Variants in LDAF1 observed in about 807,000 individuals in gnomAD.
The protein encoded by LDAF1 is PROMETHIN.
Under a neutral mutation model 13.5 loss-of-function variants are expected in LDAF1, and 7 were observed. The ratio of observed to expected loss-of-function variants is 0.52; its 90% CI spans 0.29 to 0.97. The LOEUF is 0.97. Ranked by LOEUF, LDAF1 falls within the 50% of genes least tolerant of loss-of-function variation. The pLI is 0.07. For synonymous variants in LDAF1, 69 were observed against 77.1 expected (o/e 0.89, Z 0.55); for missense variants, 148 against 193.2 (o/e 0.77, Z 1.39).
At chr16:21,167,696 G>GTTTTTTTGTTTTTTTTTTTTTTTT (rs1555584382) in intron 2 of LDAF1, among the ~76,000 whole-genome samples, 1 of 89,092 alleles carries the variant, frequency 1.1e-5, no homozygotes, top group African/African-American at 4.4e-5. Context: ...CCTTAGGTTT[G>GTTTTTTTGTTTTTTTTTTTTTTTT]TTTTTTTTTT....
Position 21,159,520 on chromosome 16 carries a change from G to A in LDAF1, c.-99+774G>A. 7 of 1,302,510 alleles carry A rather than the reference G, an allele frequency of 5.4e-6. No homozygotes were observed. In the South Asian group the frequency reaches 8.6e-5, roughly 16 times the overall value. 80.7% of individuals were successfully genotyped at this position (1,302,510 alleles called of 1,614,324 possible). Reference sequence around the variant, plus strand: ...TTTTCCCCTGGAGGTTCGGGGGTGGGAGGGCCAGGAGATTTATTTGGAGCC... The same window carrying A: ...TTTTCCCCTGGAGGTTCGGGGGTGGAAGGGCCAGGAGATTTATTTGGAGCC... On this transcript the variant is annotated intron_variant, in intron 1 of 4. Coordinates refer to ENST00000233047, the MANE Select transcript of LDAF1 (RefSeq NM_001301771.2).
chr16:21,171,926 T>TA (rs1343544839), intron 3 of LDAF1, among the ~76,000 whole-genome samples: 1 of 151,744 alleles, frequency 6.6e-6, no homozygotes, highest in East Asian at 2.0e-4. Flanking sequence ...TTGGTAGAGA[T>TA]AGGGTTTCGC....
chr16:21,177,845 T>C (rs1172874755), intron 4 of LDAF1, among the ~76,000 whole-genome samples: 4 of 152,084 alleles, frequency 2.6e-5, no homozygotes, highest in African/African-American at 9.7e-5. Flanking sequence ...CTTGAACTCC[T>C]GAGCTCAAGT....
intron 2 of LDAF1, among the ~76,000 whole-genome samples, chr16:21,166,023 CTAAT>C (rs1370076684): frequency 6.6e-6 from 1 of 151,900 alleles, no homozygotes; most frequent in Non-Finnish European, 1.5e-5. Context: ...CTCTGCCTGA[CTAAT>C]TTTTTTGTAT....
At chr16:21,165,034 C>T (rs547100991) in intron 2 of LDAF1, among the ~76,000 whole-genome samples, 36 of 152,320 alleles carry the variant, frequency 2.4e-4, no homozygotes, top group South Asian at 1.7e-3. Context: ...GTGTCCTCCC[C>T]TCCTGGGACA....
At chr16:21,174,175 A>AT (rs368981333) in intron 4 of LDAF1, 27 bp downstream of exon 4, 39 of 1,574,104 alleles carry the variant, frequency 2.5e-5, no homozygotes, top group African/African-American at 2.2e-4. Flanking sequence ...GAAATAATTT[A>AT]TTTTTTTAAT....
At chr16:21,158,923 G>T (rs112728750) in intron 1 of LDAF1, among the ~76,000 whole-genome samples, 177 bp downstream of exon 1, 17 of 151,960 alleles carry the variant, frequency 1.1e-4, no homozygotes, top group Non-Finnish European at 2.9e-5. Flanking sequence ...CTTATGAGTC[G>T]CCGGGACGGG....
chr16:21,166,608 C>T (rs1053523212), intron 2 of LDAF1, among the ~76,000 whole-genome samples: 19 of 152,354 alleles, frequency 1.2e-4, no homozygotes, highest in Admixed American at 8.5e-4. Flanking sequence ...GCCCTTCCCT[C>T]GCTGGCGCAG....
intron 2 of LDAF1, chr16:21,166,967 T>C: frequency 6.7e-7 from 1 of 1,498,058 alleles, no homozygotes; most frequent in South Asian, 1.2e-5. Flanking sequence ...AGCTCTTTGG[T>C]GGCTTTTGTC....
Position 21,165,743 on chromosome 16 carries a change from T to C in LDAF1, c.96+4465T>C, listed in dbSNP as rs79665889. ...AGCAGTTTGTTCCCTGTTTTTTTTTTCCCAGATGAAATTTAAATGAGTGCT... is the reference window on the plus strand; with the variant it reads ...AGCAGTTTGTTCCCTGTTTTTTTTTCCCCAGATGAAATTTAAATGAGTGCT... On this transcript the variant is annotated intron_variant, in intron 2 of 4. Transcript: ENST00000233047. The C allele has an allele frequency of 3.9e-3, 1,724 of 443,794 alleles. 21 individuals carry two copies. Among genetic ancestry groups the C allele is most frequent in the African/African-American group, 0.033 (1,522 of 46,510 alleles). The allele number at this position is 443,794 out of a possible 1,614,324, so 27.5% of individuals were successfully genotyped here. A position where few individuals can be genotyped will look rare whatever the true frequency, so the allele number is the denominator to read the frequency against.
At chr16:21,159,345 C>T (rs1300932530) in intron 1 of LDAF1, 2 of 1,614,194 alleles carry the variant, frequency 1.2e-6, no homozygotes, top group Non-Finnish European at 1.7e-6. Flanking sequence ...CTCCCTTCCT[C>T]CTCTCCTTGG....
chr16:21,159,711 T>C (rs540825240), intron 1 of LDAF1, among the ~76,000 whole-genome samples: 4 of 152,208 alleles, frequency 2.6e-5, no homozygotes, highest in African/African-American at 9.6e-5. Flanking sequence ...GGTCTGGGAA[T>C]TGGTGGCCAG....
Position 21,174,018 on chromosome 16 carries a change from A to G in LDAF1, c.274A>G (p.Ile92Val), listed in dbSNP as rs148041781. Residue 92 changes from isoleucine (I) to valine (V), a missense_variant, in exon 4 of 5, where the codon ATC becomes GTC. Physicochemically the swap from Ile to Val is conservative, Grantham distance 29. Coordinates refer to ENST00000233047, the MANE Select transcript of LDAF1 (RefSeq NM_001301771.2). ...CCACGTTCTCCTCCTAGGATTGGTCATCTCTGTGGGTGGCTTCTCACTGCT... is the reference window on the plus strand; with the variant it reads ...CCACGTTCTCCTCCTAGGATTGGTCGTCTCTGTGGGTGGCTTCTCACTGCT... ...LGVIILEGLV[I>V]SVGGFSLLCI... 266 of 1,612,274 alleles carry G rather than the reference A, an allele frequency of 1.6e-4. No homozygotes were observed. The African/African-American group carries it at 3.3e-3, about 20-fold the overall frequency.
chr16:21,173,947 A>G, intron 3 of LDAF1, 63 bp from the exon 4 acceptor site: 1 of 1,520,814 alleles, frequency 6.6e-7, no homozygotes. Flanking sequence ...AGACTGACCC[A>G]GGGTCTGCCA....
intron 2 of LDAF1, among the ~76,000 whole-genome samples, chr16:21,162,403 T>A (rs200323885): frequency 0.029 from 395 of 13,858 alleles, 3 homozygotes; most frequent in Non-Finnish European, 0.033. Flanking sequence ...TCAGATAGCG[T>A]TATGTTTTCT....
intron 2 of LDAF1, among the ~76,000 whole-genome samples, chr16:21,168,723 TTAA>T (rs2093052077): frequency 7.4e-6 from 1 of 135,240 alleles, no homozygotes; most frequent in East Asian, 2.0e-4. Flanking sequence ...ATATATATTT[TTAA>T]TATTATATTA....
At chr16:21,171,628 T>C (rs1254039474) in intron 3 of LDAF1, among the ~76,000 whole-genome samples, 1 of 152,180 alleles carries the variant, frequency 6.6e-6, no homozygotes, top group East Asian at 1.9e-4. Flanking sequence ...GACAAGACTT[T>C]AAGGATGCAT....
In LDAF1 at chr16:21,162,300, A is replaced by AC. The variant is rs1165492347; in HGVS notation, c.96+1028dup. On this transcript the variant is annotated intron_variant, in intron 2 of 4. Coordinates refer to ENST00000233047, the MANE Select transcript of LDAF1 (RefSeq NM_001301771.2). ...TTCTTTTTTGAACTCCCTCTTCAAA[A>AC]CCCCCCGTGCGCATATTTTACACTT... 1.2e-4 allele frequency among the ~76,000 whole-genome samples: 18 copies of AC among 149,952 alleles called. 1 individual carries two copies. Among genetic ancestry groups the AC allele is most frequent in the African/African-American group, 2.5e-4 (10 of 40,748 alleles).
At chr16:21,167,777 C>A (rs1433977172) in intron 2 of LDAF1, among the ~76,000 whole-genome samples, 1 of 128,768 alleles carries the variant, frequency 7.8e-6, no homozygotes, top group Non-Finnish European at 1.6e-5. Context: ...GAGGCCAAGG[C>A]GGGTGGATCG....
Sources: gnomAD v4.1 joint callset for allele counts (sites outside exome capture counted in the v4.1 genomes callset) on GRCh38, gnomAD v4.1.1 for gene constraint, MANE v1.5 for transcripts, NCBI Gene and HGNC (gene_info 2026-07-23, HGNC 2026-07-21) for gene names.